CYRIB: variants seen among roughly 807,000 people sequenced by gnomAD.
The protein encoded by CYRIB is CYFIP-related Rac1 interactor B.
A neutral mutation model predicts 44.2 loss-of-function variants in CYRIB; 8 were observed. That is an observed-to-expected ratio of 0.18 (90% confidence interval 0.11 to 0.33). CYRIB has a LOEUF of 0.33. Among genes scored for constraint, CYRIB ranks in the 10% least tolerant of loss-of-function variants. CYRIB has a pLI of 1.00. For synonymous variants in CYRIB, 131 were observed against 127.2 expected (o/e 1.03, Z -0.20); for missense variants, 185 against 382.8 (o/e 0.48, Z 4.31).
At chr8:129,888,274 G>A (rs370356393) in intron 2 of CYRIB, among the ~76,000 whole-genome samples, 7 of 152,076 alleles carry the variant, frequency 4.6e-5, no homozygotes, top group African/African-American at 9.6e-5. Flanking sequence ...CTTCCTCTTC[G>A]CCTTCCGCCA....
chr8:129,998,119 CA>C (rs34658935), intron 1 of CYRIB, among the ~76,000 whole-genome samples: 42,910 of 93,000 alleles, frequency 0.46, 6,805 homozygotes, highest in South Asian at 0.56. Context: ...GACTCTGTCT[CA>C]AAAAAAAAAA....
intron 1 of CYRIB, among the ~76,000 whole-genome samples, chr8:129,912,756 G>T (rs1468082987): frequency 6.6e-6 from 1 of 151,536 alleles, no homozygotes; most frequent in Non-Finnish European, 1.5e-5. Flanking sequence ...AATTCTATAT[G>T]ATAATCAACA....
In CYRIB at chr8:129,923,239, T is replaced by TACCTCAAAAAAAAGAAAAAG. The variant is rs140530379; in HGVS notation, c.-50+16368_-50+16369insCTTTTTCTTTTTTTTGAGGT. Among the ~76,000 whole-genome samples the TACCTCAAAAAAAAGAAAAAG allele has an allele frequency of 2.7e-5, 4 of 150,652 alleles. No homozygotes were observed. The South Asian group carries it at 8.4e-4, about 32-fold the overall frequency. On this transcript the variant is annotated intron_variant, in intron 1 of 11. Transcript: ENST00000519824. ...GCCTGGGCAACAAGAGCAAAACTCT[T>TACCTCAAAAAAAAGAAAAAG]AAAAAGAAAAAAATCTCCACCTAAG...
At chr8:129,991,338 T>TC (rs1397544779) in intron 1 of CYRIB, among the ~76,000 whole-genome samples, 2 of 152,026 alleles carry the variant, frequency 1.3e-5, no homozygotes, top group African/African-American at 2.4e-5. Context: ...TGAAACGTAA[T>TC]CCCCAATGTG....
intron 1 of CYRIB, among the ~76,000 whole-genome samples, chr8:130,015,506 C>T (rs1026852417): frequency 5.3e-5 from 8 of 152,186 alleles, no homozygotes; most frequent in Non-Finnish European, 8.8e-5. Context: ...AACATAGCTG[C>T]AAAGTGCATG....
chr8:130,015,337 C>T (rs2097316978), intron 1 of CYRIB, among the ~76,000 whole-genome samples: 1 of 152,342 alleles, frequency 6.6e-6, no homozygotes, highest in East Asian at 1.9e-4. Flanking sequence ...GGCAATGACA[C>T]TTTCTATCAC....
At chr8:129,843,943 G>C (rs2038152449) in intron 11 of CYRIB, 1 of 152,044 alleles carries the variant, frequency 6.6e-6, no homozygotes, top group Admixed American at 6.6e-5. Flanking sequence ...AGGAAGACAA[G>C]ATAAGCAGCC....
intron 1 of CYRIB, among the ~76,000 whole-genome samples, chr8:130,006,262 C>T (rs984642172): frequency 3.3e-5 from 5 of 151,614 alleles, no homozygotes; most frequent in Non-Finnish European, 5.9e-5. Context: ...GAGATCACGC[C>T]GCTGTACTCC....
At chr8:129,865,871 G>A (rs886705931) in intron 4 of CYRIB, among the ~76,000 whole-genome samples, 4 of 152,150 alleles carry the variant, frequency 2.6e-5, no homozygotes, top group African/African-American at 9.7e-5. Flanking sequence ...CAAGTGTGAG[G>A]GTAGAAAAAG....
At chr8:129,889,204 T>C (rs552239701) in intron 2 of CYRIB, among the ~76,000 whole-genome samples, 10 of 152,228 alleles carry the variant, frequency 6.6e-5, no homozygotes, top group Admixed American at 2.0e-4. Context: ...GTTTACAGCA[T>C]GGTGTACTCA....
At chr8:130,016,404 G>GGGAGCGCA (rs2097347909) in exon 1 of CYRIB, 1 of 149,408 alleles carries the variant, frequency 6.7e-6, no homozygotes, top group Non-Finnish European at 1.5e-5. Context: ...AGCGCGGCGC[G>GGGAGCGCA]GGAGCGCAGG....
chr8:129,945,997 AC>A (rs2094116287), intron 2 of CYRIB, among the ~76,000 whole-genome samples: 1 of 152,214 alleles, frequency 6.6e-6, no homozygotes, highest in Admixed American at 6.5e-5. Flanking sequence ...AAGACAATCT[AC>A]TTCTCGGAAA....
chr8:129,915,874 A>C (rs1244850126), intron 1 of CYRIB, among the ~76,000 whole-genome samples: 2 of 152,158 alleles, frequency 1.3e-5, no homozygotes, highest in Non-Finnish European at 1.5e-5. Flanking sequence ...CAGAAGAACT[A>C]TCTCACTCAA....
chr8:129,979,606 C>A (rs2096121889), intron 1 of CYRIB, among the ~76,000 whole-genome samples: 1 of 152,044 alleles, frequency 6.6e-6, no homozygotes, highest in Non-Finnish European at 1.5e-5. Flanking sequence ...TGATAAACAG[C>A]AGGAGGGTCT....
intron 1 of CYRIB, among the ~76,000 whole-genome samples, chr8:130,013,021 CT>C (rs2097261132): frequency 6.6e-6 from 1 of 152,178 alleles, no homozygotes. Context: ...TCCTTCACTC[CT>C]CCCACCCGAA....
chr8:129,945,655 G>A (rs1340158848), intron 2 of CYRIB, among the ~76,000 whole-genome samples: 2 of 152,058 alleles, frequency 1.3e-5, no homozygotes, highest in East Asian at 1.9e-4. Flanking sequence ...TGCAGCCTCC[G>A]CCTCCCGAGT....
At chr8:130,008,971 G>C (rs139806840) in intron 1 of CYRIB, among the ~76,000 whole-genome samples, 1 of 152,210 alleles carries the variant, frequency 6.6e-6, no homozygotes, top group Non-Finnish European at 1.5e-5. Flanking sequence ...CTGAGGCTCT[G>C]TAGACCAGGG....
intron 1 of CYRIB, among the ~76,000 whole-genome samples, chr8:129,906,576 G>A (rs909681881): frequency 2.4e-4 from 36 of 152,050 alleles, no homozygotes; most frequent in African/African-American, 8.2e-4. Flanking sequence ...CAAAAGCAAT[G>A]GCAACAAAAG....
At chr8:129,881,064 T>C (rs1214236706) in intron 2 of CYRIB, among the ~76,000 whole-genome samples, 6 of 152,198 alleles carry the variant, frequency 3.9e-5, no homozygotes, top group Non-Finnish European at 5.9e-5. Context: ...AACTATACCA[T>C]GTATGGAACT....
Sources: gnomAD v4.1 joint callset for allele counts (sites outside exome capture counted in the v4.1 genomes callset) on GRCh38, gnomAD v4.1.1 for gene constraint, MANE v1.5 for transcripts, NCBI Gene and HGNC (gene_info 2026-07-23, HGNC 2026-07-21) for gene names.